CATSPERD: variants seen among roughly 807,000 people sequenced by gnomAD.
CATSPERD encodes the protein cation channel sperm-associated auxiliary subunit delta.
Under a neutral mutation model 98.1 loss-of-function variants are expected in CATSPERD, and 86 were observed. The observed-to-expected ratio is 0.88, with a 90% confidence interval of 0.74 to 1.05. CATSPERD has a LOEUF of 1.05. CATSPERD is among the 50% of genes least tolerant of loss of function. CATSPERD has a pLI of 0.00. For synonymous variants in CATSPERD, 394 were observed against 390.2 expected (o/e 1.01, Z -0.12); for missense variants, 995 against 1,005.7 (o/e 0.99, Z 0.14).
At chr19:5,775,128 G>A in intron 20 of CATSPERD, 3 of 378,696 alleles carry the variant, frequency 7.9e-6, no homozygotes, top group Non-Finnish European at 1.7e-5. Flanking sequence ...GACTGCCACG[G>A]TTACTACTTG....
rs750240515 is a variant in CATSPERD at position 5,749,163 on chromosome 19, G to A, written c.967G>A (p.Val323Met). 44 of 1,611,804 alleles carry A rather than the reference G, an allele frequency of 2.7e-5. No individual in the cohort carries two copies. The highest frequency in any genetic ancestry group is 3.3e-5 in the Non-Finnish European group (39 of 1,178,934). The stretch of plus-strand genomic sequence containing the variant: ...TTTGTATTATGGCAATCTGGGCATC[G>A]TGCCAAGTTCCATAATCAAAGTAGG... ...DNLYYGNLGI[V>M]PSSIIKFADQ... The change falls in exon 11 of 22, where the codon GTG (valine) becomes ATG (methionine). Residue 323 changes from valine (V) to methionine (M), a missense_variant. Val to Met is a conservative substitution (Grantham distance 21). Around this residue, in one of 3 missense-constraint regions of CATSPERD, gnomAD observed 762 missense variants for 773.7 expected, o/e 0.98. Transcript: ENST00000381624.
In CATSPERD at chr19:5,778,661, C is replaced by T. The variant is rs779478659; in HGVS notation, c.2382C>T (p.Gly794=). The T allele has an allele frequency of 6.2e-7, 1 of 1,612,284 alleles. No individual in the cohort carries two copies. Among genetic ancestry groups the T allele is most frequent in the South Asian group, 1.1e-5 (1 of 91,020 alleles). ...PPGRHRTPHG[G]RSDH is the part of the protein sequence containing the mutation. ...GACGCCACCGCACTCCTCACGGAGG[C>T]AGGTCTGACCACTGAGGCCGGTCCA... is the stretch of plus-strand genomic sequence containing the variant. The change falls in exon 22 of 22, where the codon GGC becomes GGT. Residue 794 remains glycine (G), a synonymous_variant. Transcript: ENST00000381624.
At chr19:5,743,702 C>CTCTGTCTCTG (rs1173728271) in intron 7 of CATSPERD, among the ~76,000 whole-genome samples, 11 of 124,280 alleles carry the variant, frequency 8.9e-5, no homozygotes, top group Middle Eastern at 4.0e-3. Flanking sequence ...CTCTCTCTCT[C>CTCTGTCTCTG]TCTCTGTCTC....
chr19:5,748,728 C>CTTTTTTTTTT (rs527796326), intron 10 of CATSPERD, among the ~76,000 whole-genome samples: 11 of 94,100 alleles, frequency 1.2e-4, no homozygotes, highest in Non-Finnish European at 1.7e-4. Flanking sequence ...TCATATTATT[C>CTTTTTTTTTT]TTTTTTTTTT....
chr19:5,750,112 G>A (rs2056176454), intron 11 of CATSPERD, among the ~76,000 whole-genome samples: 1 of 146,646 alleles, frequency 6.8e-6, no homozygotes, highest in Admixed American at 6.8e-5. Context: ...CCGAAACTCT[G>A]TTTCTTAAAA....
chr19:5,767,034 G>C (rs916490706), intron 17 of CATSPERD, among the ~76,000 whole-genome samples: 6 of 151,280 alleles, frequency 4.0e-5, no homozygotes, highest in Non-Finnish European at 8.8e-5. Flanking sequence ...AGCCAGACCA[G>C]TGGCCGGGCA....
rs757202596 is a variant in CATSPERD at position 5,772,977 on chromosome 19, C to T, written c.1941+12C>T. ...TCTGGAACAGAGAGGTAACAGGACC[C>T]TAGGATCGTTTCCAGAAGAATCAGC... On this transcript the variant is annotated intron_variant, in intron 20 of 21. Transcript: ENST00000381624. The T allele has an allele frequency of 2.3e-5, 37 of 1,610,942 alleles. No individual in the cohort carries two copies. The East Asian group carries it at 8.3e-4, about 36-fold the overall frequency.
At chr19:5,737,933 T>C (rs1478842278) in intron 6 of CATSPERD, among the ~76,000 whole-genome samples, 1 of 152,014 alleles carries the variant, frequency 6.6e-6, no homozygotes, top group African/African-American at 2.4e-5. Flanking sequence ...GTCAGTGTTA[T>C]TTCCCATGGG....
intron 7 of CATSPERD, among the ~76,000 whole-genome samples, chr19:5,739,853 A>G (rs1369124688): frequency 6.6e-6 from 1 of 151,442 alleles, no homozygotes; most frequent in Admixed American, 6.6e-5. Context: ...AAAAAAAAAA[A>G]GTCCACTGGC....
intron 7 of CATSPERD, among the ~76,000 whole-genome samples, chr19:5,743,163 T>C (rs1270006875): frequency 3.3e-5 from 5 of 149,652 alleles, no homozygotes. Flanking sequence ...ATTAGCCAGG[T>C]GTGGTGGCAG....
intron 9 of CATSPERD, among the ~76,000 whole-genome samples, chr19:5,747,761 G>A (rs1303150659): frequency 6.6e-6 from 1 of 151,822 alleles, no homozygotes; most frequent in Non-Finnish European, 1.5e-5. Flanking sequence ...ACAGGTGCGT[G>A]CAACCATGCT....
chr19:5,759,264 T>C, intron 15 of CATSPERD, 120 bp downstream of exon 15: 2 of 924,444 alleles, frequency 2.2e-6, no homozygotes, highest in Non-Finnish European at 3.5e-6. Flanking sequence ...ACAAGGCGAT[T>C]ACAACACTTT....
At chr19:5,770,287 G>A (rs191001653) in intron 18 of CATSPERD, among the ~76,000 whole-genome samples, 22 of 148,836 alleles carry the variant, frequency 1.5e-4, no homozygotes, top group South Asian at 6.4e-4. Flanking sequence ...AAAATTAGCC[G>A]GGCGTGGTGG....
intron 11 of CATSPERD, among the ~76,000 whole-genome samples, chr19:5,750,321 G>A (rs960879583): frequency 6.7e-6 from 1 of 149,710 alleles, no homozygotes; most frequent in African/African-American, 2.4e-5. Flanking sequence ...GCGTGGTGGC[G>A]GCACCTGTAG....
chr19:5,776,798 C>T (rs553296970), intron 21 of CATSPERD, among the ~76,000 whole-genome samples: 3 of 151,418 alleles, frequency 2.0e-5, no homozygotes, highest in East Asian at 1.9e-4. Context: ...CGCTTGAACC[C>T]GGGAGGCAGA....
intron 16 of CATSPERD, among the ~76,000 whole-genome samples, chr19:5,764,482 AT>A (rs1195561102): frequency 6.7e-6 from 1 of 149,590 alleles, no homozygotes; most frequent in Non-Finnish European, 1.5e-5. Flanking sequence ...TGCCTGGCTA[AT>A]TTTTTTTGTA....
At chr19:5,768,604 G>A (rs1182891697) in intron 18 of CATSPERD, among the ~76,000 whole-genome samples, 1 of 151,648 alleles carries the variant, frequency 6.6e-6, no homozygotes, top group Non-Finnish European at 1.5e-5. Flanking sequence ...CCAAAGTGCT[G>A]GGATTACAGG....
chr19:5,759,464 C>T (rs1049680178), intron 15 of CATSPERD, among the ~76,000 whole-genome samples: 1 of 149,264 alleles, frequency 6.7e-6, no homozygotes, highest in Non-Finnish European at 1.5e-5. Flanking sequence ...ACTCGGGAGG[C>T]TGAGGCAGGA....
chr19:5,731,696 C>G (rs1369826275), intron 4 of CATSPERD, among the ~76,000 whole-genome samples: 1 of 149,424 alleles, frequency 6.7e-6, no homozygotes, highest in Non-Finnish European at 1.5e-5. Context: ...CTGCCTCAGC[C>G]TCCCGAGTAG....
Sources: allele counts gnomAD v4.1 joint callset (sites outside exome capture counted in the v4.1 genomes callset), GRCh38; gene constraint gnomAD v4.1.1; regional missense constraint gnomAD v4.1.1; transcripts MANE v1.5; gene names NCBI Gene and HGNC (gene_info 2026-07-23, HGNC 2026-07-21).